Variants in PRKACA observed in about 807,000 individuals in gnomAD.
PRKACA encodes protein kinase cAMP-activated catalytic subunit alpha.
In PRKACA, 9 loss-of-function variants were observed where a neutral mutation model predicts 45.8. The observed-to-expected ratio is 0.20, with a 90% CI of 0.12 to 0.34. PRKACA has a LOEUF of 0.34. PRKACA is among the 10% of genes least tolerant of loss of function. PRKACA has a pLI of 1.00. For synonymous variants in PRKACA, 160 were observed against 178.6 expected, an observed-to-expected ratio of 0.90 and a Z score of 0.83; for missense variants, 238 against 458.6, an observed-to-expected ratio of 0.52 and a Z score of 4.39.
At chr19:14,110,251 T>C (rs1310743991) in intron 1 of PRKACA, among the ~76,000 whole-genome samples, 1 of 151,280 alleles carries the variant, frequency 6.6e-6, no homozygotes, top group African/African-American at 2.4e-5. Flanking sequence ...CCCAGGAGAT[T>C]GAGGTTGCAG....
At chr19:14,105,264 C>A (rs1328150841) in intron 3 of PRKACA, among the ~76,000 whole-genome samples, 1 of 152,126 alleles carries the variant, frequency 6.6e-6, no homozygotes. Flanking sequence ...GTAATCCCAG[C>A]ACTTTGGAAG....
intron 1 of PRKACA, among the ~76,000 whole-genome samples, chr19:14,108,734 A>AT (rs1045155976): frequency 0.026 from 3,371 of 131,664 alleles, 51 homozygotes; most frequent in Non-Finnish European, 0.036. Context: ...AATTATTATT[A>AT]TTTTTTTTTT....
chr19:14,097,560 G>C lies in PRKACA; in HGVS notation c.642+19C>G, dbSNP rs754235830. On this transcript the variant is annotated intron_variant, in intron 7 of 9. Coordinates refer to ENST00000308677, the MANE Select transcript of PRKACA (RefSeq NM_002730.4). This position sits in a 1 kb window ranked among gnomAD's most constrained non-coding sequence, Gnocchi z 5.4. ...CAGAGCCGGCCTCAGGGGAAGGGGA[G>C]GGCTGGGGAGGCTCCTACTTTGCTC... 3.1e-6 allele frequency: 5 copies of C among 1,613,214 alleles called. No individual in the cohort carries two copies. The South Asian group carries it at 5.5e-5, about 18-fold the overall frequency.
At chr19:14,098,087 G>T in intron 5 of PRKACA, 197 bp from the exon 6 acceptor site, 1 of 606,784 alleles carries the variant, frequency 1.6e-6, no homozygotes, top group Non-Finnish European at 2.8e-6. Context: ...CACAGACTGA[G>T]CTATAGTCAT....
At chr19:14,109,442 T>C (rs111964465) in intron 1 of PRKACA, among the ~76,000 whole-genome samples, 5,446 of 151,478 alleles carry the variant, frequency 0.036, 307 homozygotes, top group African/African-American at 0.12. Context: ...GGCGAGACTC[T>C]GTCTCCAAAA....
intron 8 of PRKACA, among the ~76,000 whole-genome samples, chr19:14,094,478 C>T (rs568419827): frequency 5.2e-4 from 79 of 152,318 alleles, no homozygotes; most frequent in East Asian, 2.7e-3. Context: ...TGTGAGCCAC[C>T]GTGCCTGGCC....
Position 14,093,087 on chromosome 19 carries a change from A to G in PRKACA, c.*25T>C, listed in dbSNP as rs775765231. The G allele has an allele frequency of 6.0e-6, 9 of 1,502,514 alleles. No individual in the cohort carries two copies. Among genetic ancestry groups the G allele is most frequent in the South Asian group, 1.3e-5 (1 of 75,178 alleles). 93.1% of individuals were successfully genotyped at this position (1,502,514 alleles called of 1,614,324 possible). A position where few individuals can be genotyped will look rare whatever the true frequency, so the allele number is the denominator to read the frequency against. ...AAAAAAAAGAAAAAAGAAAAAAGAAAACCCATGGGGGCACAGGCATGCCCC... is the reference window on the plus strand; with the variant it reads ...AAAAAAAAGAAAAAAGAAAAAAGAAGACCCATGGGGGCACAGGCATGCCCC... On this transcript the variant is annotated 3_prime_UTR_variant, in exon 10 of 10. Transcript: ENST00000308677.
chr19:14,115,557 A>G (rs375078547), intron 1 of PRKACA, among the ~76,000 whole-genome samples: 4 of 152,134 alleles, frequency 2.6e-5, no homozygotes, highest in South Asian at 2.1e-4. Flanking sequence ...AGGTATCTCT[A>G]TCCGCCTGGC....
chr19:14,096,038 T>G (rs955392360), intron 8 of PRKACA, among the ~76,000 whole-genome samples: 7 of 143,240 alleles, frequency 4.9e-5, no homozygotes, highest in South Asian at 2.2e-4. Context: ...TTTAGTTTTT[T>G]TTTTTTTTTT....
chr19:14,094,703 C>T (rs1267626635), intron 8 of PRKACA, among the ~76,000 whole-genome samples: 1 of 152,214 alleles, frequency 6.6e-6, no homozygotes, highest in African/African-American at 2.4e-5. Context: ...CTTGCATTCT[C>T]AGCTGCTGCT....
Position 14,117,578 on chromosome 19 carries a change from AGCTGCGGCGCGGCGGGTGCTG to A in PRKACA, c.-52_-32del. On this transcript the variant is annotated 5_prime_UTR_variant, in exon 1 of 10. Coordinates refer to ENST00000308677, the MANE Select transcript of PRKACA (RefSeq NM_002730.4). ...CGGCGGCGGCCGGGGCCGGTCCCGG[AGCTGCGGCGCGGCGGGTGCTG>A]GCTGCGGCCGGCGGCCCCGGAGCGC... 9.2e-7 allele frequency: 1 copy of A among 1,082,518 alleles called. No homozygotes were observed. The highest frequency in any genetic ancestry group is 1.1e-6 in the Non-Finnish European group (1 of 891,472). The allele number at this position is 1,082,518 out of a possible 1,614,324, so 67.1% of individuals were successfully genotyped here.
chr19:14,093,840 G>A (rs1977167480), intron 8 of PRKACA, 48 bp from the exon 9 acceptor site: 1 of 1,554,574 alleles, frequency 6.4e-7, no homozygotes, highest in Non-Finnish European at 8.7e-7. Context: ...TCTGGAACTT[G>A]GGAAGCCCAT....
intron 1 of PRKACA, among the ~76,000 whole-genome samples, chr19:14,108,595 G>A (rs1004213640): frequency 1.3e-5 from 2 of 149,992 alleles, no homozygotes; most frequent in Non-Finnish European, 3.0e-5. Context: ...TTTTTTTAGT[G>A]GAGACGGGGT....
At chr19:14,112,398 C>A (rs1462814076) in intron 1 of PRKACA, 1 of 151,860 alleles carries the variant, frequency 6.6e-6, no homozygotes, top group African/African-American at 2.4e-5. Flanking sequence ...GCCAGGTGGG[C>A]CCAGAGGAGC....
rs1206081562 is a variant in PRKACA, at chr19:14,097,039, C to T, written c.765+322G>A. ...ATTCGTTTTTCTGCCTTGGAATTTG[C>T]GAAAACTCACACTAACTGGGATGAG... is the stretch of plus-strand genomic sequence containing the variant. On this transcript the variant is annotated intron_variant, in intron 8 of 9. Transcript: ENST00000308677. The surrounding 1 kb of genome is among the most constrained non-coding windows in gnomAD (Gnocchi z 5.4). 7 of 382,472 alleles carry T rather than the reference C, an allele frequency of 1.8e-5. No homozygotes were observed. The highest frequency in any genetic ancestry group is 6.4e-5 in the East Asian group (1 of 15,642). 23.7% of individuals were successfully genotyped at this position (382,472 alleles called of 1,614,324 possible).
intron 1 of PRKACA, among the ~76,000 whole-genome samples, chr19:14,116,381 G>T (rs1967106095): frequency 6.6e-6 from 1 of 152,122 alleles, no homozygotes; most frequent in Non-Finnish European, 1.5e-5. Context: ...CTGAGCCCTG[G>T]GAATGATCAG....
intron 8 of PRKACA, among the ~76,000 whole-genome samples, chr19:14,094,855 TC>T (rs1977198708): frequency 6.6e-6 from 1 of 152,252 alleles, no homozygotes; most frequent in Admixed American, 6.5e-5. Flanking sequence ...TTGAAAGTTT[TC>T]CCCAAACCCT....
At chr19:14,114,440 G>C (rs1967065149) in intron 1 of PRKACA, among the ~76,000 whole-genome samples, 1 of 152,186 alleles carries the variant, frequency 6.6e-6, no homozygotes, top group East Asian at 1.9e-4. Context: ...AAGGTGTTTG[G>C]CCGTCTTAGG....
intron 8 of PRKACA, chr19:14,096,753 T>C (rs991907137): frequency 7.0e-5 from 12 of 172,360 alleles, no homozygotes; most frequent in African/African-American, 2.6e-4. Context: ...GACACATCCC[T>C]TTTCCCAGCC....
Sources: gnomAD v4.1 joint callset for allele counts (sites outside exome capture counted in the v4.1 genomes callset) on GRCh38, gnomAD v4.1.1 for gene constraint, Gnocchi (gnomAD v3.1) non-coding constraint, MANE v1.5 for transcripts, NCBI Gene and HGNC (gene_info 2026-07-23, HGNC 2026-07-21) for gene names.